Variants in PLXNA2 observed in about 807,000 individuals in gnomAD.
The protein encoded by PLXNA2 is plexin-A2.
PLXNA2 carries 91 observed loss-of-function variants against 193.5 expected under a neutral mutation model. That is an observed-to-expected ratio of 0.47 (90% CI 0.40 to 0.56). PLXNA2 has a LOEUF of 0.56. PLXNA2 is among the 20% of genes least tolerant of loss of function. PLXNA2 has a pLI of 0.00. For missense variants in PLXNA2, 1,995 were observed against 2,503.2 expected, an observed-to-expected ratio of 0.80 and a Z score of 4.33; for synonymous variants, 997 against 1,027.3, an observed-to-expected ratio of 0.97 and a Z score of 0.56.
At chr1:208,034,464 G>A (rs1664608100) in intron 27 of PLXNA2, 29 bp downstream of exon 27, 1 of 1,430,438 alleles carries the variant, frequency 7.0e-7, no homozygotes, top group Admixed American at 1.7e-5. Context: ...TCTGCTCTGA[G>A]CTGCCCAGTC....
In PLXNA2 at chr1:208,217,941, G is replaced by C. The variant is rs1235828162; in HGVS notation, c.-19C>G. On this transcript the variant is annotated 5_prime_UTR_variant, in exon 2 of 32. Coordinates refer to ENST00000367033, the MANE Select transcript of PLXNA2 (RefSeq NM_025179.4). This position sits in a 1 kb window ranked among gnomAD's most constrained non-coding sequence, Gnocchi z 4.7. ...GTTCCATGCTGAGAGGGGCGGCGGT[G>C]AGGAGACGGCTCCTGTGTGTGCTCA... 4 of 1,602,712 alleles carry C rather than the reference G, an allele frequency of 2.5e-6. No homozygotes were observed. Among genetic ancestry groups the C allele is most frequent in the Admixed American group, 1.7e-5 (1 of 59,802 alleles).
At chr1:208,039,116 T>C (rs1190420626) in intron 24 of PLXNA2, 132 bp from the exon 25 acceptor site, 1 of 744,668 alleles carries the variant, frequency 1.3e-6, no homozygotes, top group Non-Finnish European at 2.2e-6. Flanking sequence ...ACTTTTCTGG[T>C]CTGTGACTCA....
chr1:208,220,995 G>A (rs1007625095), intron 1 of PLXNA2, among the ~76,000 whole-genome samples: 5 of 152,102 alleles, frequency 3.3e-5, no homozygotes, highest in Non-Finnish European at 7.4e-5. Flanking sequence ...TAGCCTCTCC[G>A]CAGACTGCAG....
At chr1:208,143,955 A>C (rs1470585204) in intron 3 of PLXNA2, among the ~76,000 whole-genome samples, 1 of 152,180 alleles carries the variant, frequency 6.6e-6, no homozygotes, top group Non-Finnish European at 1.5e-5. Flanking sequence ...GATAAAAGGG[A>C]ATGCTTGTGA....
intron 4 of PLXNA2, among the ~76,000 whole-genome samples, chr1:208,106,999 A>G (rs1337693833): frequency 6.6e-6 from 1 of 152,232 alleles, no homozygotes; most frequent in Non-Finnish European, 1.5e-5. Context: ...TGGATATGTG[A>G]GTCTGGGTGA....
At chr1:208,192,606 G>A (rs1670217149) in intron 3 of PLXNA2, among the ~76,000 whole-genome samples, 2 of 152,130 alleles carry the variant, frequency 1.3e-5, no homozygotes, top group Admixed American at 6.5e-5. Flanking sequence ...CATTAGACAG[G>A]CCAGGTGCAG....
chr1:208,039,590 C>T (rs771556770), intron 24 of PLXNA2, 31 bp downstream of exon 24: 19 of 1,611,298 alleles, frequency 1.2e-5, no homozygotes, highest in Non-Finnish European at 1.5e-5. Context: ...AGAAGATACA[C>T]AGGCGGGCCC....
intron 1 of PLXNA2, among the ~76,000 whole-genome samples, chr1:208,222,234 G>A (rs1671360069): frequency 6.6e-6 from 1 of 152,112 alleles, no homozygotes; most frequent in Non-Finnish European, 1.5e-5. Context: ...AACCTCAGGA[G>A]TTTTCTCTTA....
rs201134624 is a variant in PLXNA2, at chr1:208,217,083, G to C, written c.840C>G (p.Ile280Met). The change falls in exon 2 of 32, where the codon ATC (isoleucine) becomes ATG (methionine). Residue 280 changes from isoleucine (I) to methionine (M), a missense_variant. Physicochemically the swap from Ile to Met is conservative, Grantham distance 10. This residue lies in a region of PLXNA2 where 702 missense variants were observed against 812.9 expected (regional missense o/e 0.86). Transcript: ENST00000367033. The surrounding 1 kb of genome is among the most constrained non-coding windows in gnomAD (Gnocchi z 4.7). ...SAGDLFYTSR[I>M]VRLCKDDPKF... is the part of the protein sequence containing the mutation. ...TGGGGTCATCCTTGCAGAGCCGCAC[G>C]ATGCGTGAGGTGTAGAAGAGGTCTC... 1 of 1,614,146 alleles carries C rather than the reference G, an allele frequency of 6.2e-7. No individual in the cohort carries two copies. The highest frequency in any genetic ancestry group is 8.5e-7 in the Non-Finnish European group (1 of 1,179,982).
Position 208,244,255 on chromosome 1 carries a change from T to C in PLXNA2, c.-693A>G. 2 of 188,606 alleles carry C rather than the reference T, an allele frequency of 1.1e-5. No individual in the cohort carries two copies. The highest frequency in any genetic ancestry group is 2.1e-5 in the Non-Finnish European group (2 of 93,522). 11.7% of individuals were successfully genotyped at this position (188,606 alleles called of 1,614,324 possible). A position where few individuals can be genotyped will look rare whatever the true frequency, so the allele number is the denominator to read the frequency against. ...CAACTGCCCTCCGCCGCCCTCCCGC[T>C]CCAGTCTGGCGCGGATGCCGCTCCT... On this transcript the variant is annotated 5_prime_UTR_variant, in exon 1 of 32. Coordinates refer to ENST00000367033, the MANE Select transcript of PLXNA2 (RefSeq NM_025179.4).
chr1:208,060,199 G>A (rs2102348438), intron 13 of PLXNA2, among the ~76,000 whole-genome samples: 1 of 152,268 alleles, frequency 6.6e-6, no homozygotes, highest in African/African-American at 2.4e-5. Context: ...CCGTTTGCCT[G>A]TCCGCAACTA....
At chr1:208,141,262 A>C (rs537293632) in intron 4 of PLXNA2, among the ~76,000 whole-genome samples, 1 of 152,150 alleles carries the variant, frequency 6.6e-6, no homozygotes, top group Non-Finnish European at 1.5e-5. Context: ...TTCTTCGCTC[A>C]TCCCTCATCC....
intron 3 of PLXNA2, among the ~76,000 whole-genome samples, chr1:208,155,618 C>T (rs11118994): frequency 0.46 from 69,584 of 152,048 alleles, 16,168 homozygotes; most frequent in Middle Eastern, 0.49. Flanking sequence ...TGCAAAGAAG[C>T]GGAGGTGAGG....
chr1:208,137,722 T>A (rs1405685902), intron 4 of PLXNA2, among the ~76,000 whole-genome samples: 1 of 152,210 alleles, frequency 6.6e-6, no homozygotes, highest in African/African-American at 2.4e-5. Flanking sequence ...ATTGACTTGT[T>A]AGGCAGTGAC....
chr1:208,044,797 G>T lies in PLXNA2; in HGVS notation c.3640-55C>A. 1 of 1,373,740 alleles carries T rather than the reference G, an allele frequency of 7.3e-7. No individual in the cohort carries two copies. The highest frequency in any genetic ancestry group is 1.0e-6 in the Non-Finnish European group (1 of 980,352). The allele number at this position is 1,373,740 out of a possible 1,614,324, so 85.1% of individuals were successfully genotyped here. The stretch of plus-strand genomic sequence containing the variant: ...GGATGCACACAGGTGTAGAGCCCGG[G>T]CATGCCAGCAGATCCTTACAGTGCG... On this transcript the variant is annotated intron_variant, in intron 19 of 31. Coordinates refer to ENST00000367033, the MANE Select transcript of PLXNA2 (RefSeq NM_025179.4). The surrounding 1 kb of genome is among the most constrained non-coding windows in gnomAD (Gnocchi z 4.9).
chr1:208,231,751 G>A (rs1055030294), intron 1 of PLXNA2, among the ~76,000 whole-genome samples: 2 of 152,224 alleles, frequency 1.3e-5, no homozygotes, highest in African/African-American at 4.8e-5. Context: ...AGAGGACTTA[G>A]GTATATTTGA....
intron 1 of PLXNA2, among the ~76,000 whole-genome samples, chr1:208,228,646 A>T (rs1048998872): frequency 8.5e-5 from 13 of 152,146 alleles, no homozygotes; most frequent in African/African-American, 2.9e-4. Context: ...TAGACTCAGC[A>T]CTGCTAAGCA....
chr1:208,198,393 G>T, intron 3 of PLXNA2, among the ~76,000 whole-genome samples: 1 of 152,362 alleles, frequency 6.6e-6, no homozygotes. Flanking sequence ...ATGCATGGGT[G>T]ATGGGCCCTG....
intron 9 of PLXNA2, 115 bp downstream of exon 9, chr1:208,092,671 G>C (rs375160859): frequency 1.4e-5 from 9 of 623,178 alleles, no homozygotes; most frequent in Non-Finnish European, 2.2e-5. Flanking sequence ...CTGGCAAGAC[G>C]GCCAAGATGG....
Sources: allele counts gnomAD v4.1 joint callset (sites outside exome capture counted in the v4.1 genomes callset), GRCh38; gene constraint gnomAD v4.1.1; regional missense constraint gnomAD v4.1.1; non-coding constraint Gnocchi (gnomAD v3.1); transcripts MANE v1.5; gene names NCBI Gene and HGNC (gene_info 2026-07-23, HGNC 2026-07-21).